Variants in SLC4A4 observed in about 807,000 individuals in gnomAD.
SLC4A4 encodes the protein solute carrier family 4 member 4, also known as electrogenic sodium bicarbonate cotransporter 1.
In SLC4A4, 27 loss-of-function variants were observed where a neutral mutation model predicts 111.5. The observed-to-expected ratio is 0.24, with a 90% CI of 0.18 to 0.33. SLC4A4 has a LOEUF of 0.33. SLC4A4 is among the 10% of genes least tolerant of loss of function. The pLI, the probability that SLC4A4 is intolerant of heterozygous loss-of-function variation, is 1.00. For missense variants in SLC4A4, 909 were observed against 1,315.5 expected (o/e 0.69, Z 4.78); for synonymous variants, 443 against 463.4 (o/e 0.96, Z 0.57).
chr4:71,391,847 A>G (rs1246603031), intron 6 of SLC4A4, among the ~76,000 whole-genome samples: 2 of 152,012 alleles, frequency 1.3e-5, no homozygotes, highest in Non-Finnish European at 1.5e-5. Flanking sequence ...CTTTGAGTGG[A>G]TGAAACACCA....
chr4:71,456,411 A>T (rs536626808), intron 12 of SLC4A4, among the ~76,000 whole-genome samples: 1 of 152,166 alleles, frequency 6.6e-6, no homozygotes, highest in East Asian at 1.9e-4. Context: ...AGTTTTATAT[A>T]TTTTAAGGAC....
At chr4:71,274,801 C>T (rs1343059758) in intron 3 of SLC4A4, among the ~76,000 whole-genome samples, 2 of 152,188 alleles carry the variant, frequency 1.3e-5, no homozygotes, top group Admixed American at 1.3e-4. Context: ...ATAATCTCTA[C>T]ATTTCCTACC....
intron 2 of SLC4A4, among the ~76,000 whole-genome samples, chr4:71,163,043 A>G (rs889117385): frequency 6.6e-6 from 1 of 152,220 alleles, no homozygotes; most frequent in African/African-American, 2.4e-5. Context: ...AAAGGAAAGA[A>G]CTTTTTAGAA....
intron 2 of SLC4A4, among the ~76,000 whole-genome samples, chr4:71,110,583 G>C (rs2148951459): frequency 6.6e-6 from 1 of 152,292 alleles, no homozygotes; most frequent in East Asian, 1.9e-4. Flanking sequence ...ACCTTTAGAA[G>C]TTCCATGGAT....
At chr4:71,513,456 C>T (rs1474170583) in intron 16 of SLC4A4, among the ~76,000 whole-genome samples, 1 of 151,940 alleles carries the variant, frequency 6.6e-6, no homozygotes, top group Non-Finnish European at 1.5e-5. Context: ...AGAAATGCGA[C>T]TGGGTTTTGT....
At chr4:71,535,460 CT>C (rs1379450620) in intron 18 of SLC4A4, among the ~76,000 whole-genome samples, 2 of 152,054 alleles carry the variant, frequency 1.3e-5, no homozygotes, top group African/African-American at 4.8e-5. Flanking sequence ...AAATTAAAAG[CT>C]TTGGTCAAAG....
At chr4:71,467,285 A>G (rs1366518222) in intron 13 of SLC4A4, among the ~76,000 whole-genome samples, 2 of 152,122 alleles carry the variant, frequency 1.3e-5, no homozygotes, top group African/African-American at 2.4e-5. Context: ...CACATCATTC[A>G]ATAATGAAAG....
chr4:71,447,959 A>G (rs1048689309), intron 9 of SLC4A4, among the ~76,000 whole-genome samples: 9 of 152,214 alleles, frequency 5.9e-5, no homozygotes, highest in African/African-American at 2.2e-4. Flanking sequence ...GGAATAAAAC[A>G]TATTTTCCTT....
intron 2 of SLC4A4, among the ~76,000 whole-genome samples, chr4:71,121,889 G>C (rs1358684694): frequency 2.0e-5 from 3 of 151,970 alleles, no homozygotes; most frequent in African/African-American, 7.3e-5. Context: ...ATGTCTGCAG[G>C]TTCACTCCTG....
rs1728353524 is a variant in SLC4A4 at position 71,335,423 on chromosome 4, CT to C, written c.254-3946del. On this transcript the variant is annotated intron_variant, in intron 3 of 25. Transcript: ENST00000264485. ...CCTGTCATTTCTTCATTTTCATGCC[CT>C]CCTGATTGCCTAAAATAGTTAGACT... Among the ~76,000 whole-genome samples, 7 of 152,250 alleles carry C rather than the reference CT, an allele frequency of 4.6e-5. No individual in the cohort carries two copies. In the South Asian group the frequency reaches 1.5e-3, roughly 32 times the overall value.
intron 6 of SLC4A4, among the ~76,000 whole-genome samples, chr4:71,382,199 A>C (rs551579556): frequency 2.0e-5 from 3 of 152,142 alleles, no homozygotes; most frequent in Non-Finnish European, 4.4e-5. Flanking sequence ...AAAAAAAATC[A>C]ATGATGTGAT....
At chr4:71,103,011 G>A (rs1279686847) in intron 2 of SLC4A4, among the ~76,000 whole-genome samples, 9 of 149,488 alleles carry the variant, frequency 6.0e-5, no homozygotes, top group African/African-American at 2.2e-4. Context: ...TCAGTGTGCT[G>A]TATTCAGGAA....
At chr4:71,094,087 T>C (rs1410156235) in intron 2 of SLC4A4, among the ~76,000 whole-genome samples, 1 of 152,212 alleles carries the variant, frequency 6.6e-6, no homozygotes, top group African/African-American at 2.4e-5. Flanking sequence ...ATGTCCCTTA[T>C]TAAACATTTT....
chr4:71,440,728 A>G lies in SLC4A4; in HGVS notation c.920A>G (p.Gln307Arg). The G allele has an allele frequency of 6.2e-7, 1 of 1,614,128 alleles. No homozygotes were observed. The highest frequency in any genetic ancestry group is 8.5e-7 in the Non-Finnish European group (1 of 1,179,988). ...TPFIAFVRLQ[Q>R]AVMLGALTEV... ...TTCATTGCCTTTGTTAGGCTACAGCAGGCTGTCATGCTGGGTGCCCTGACT... is the reference window on the plus strand; with the variant it reads ...TTCATTGCCTTTGTTAGGCTACAGCGGGCTGTCATGCTGGGTGCCCTGACT... The change falls in exon 8 of 26, where the codon CAG (glutamine) becomes CGG (arginine). Residue 307 changes from glutamine (Q) to arginine (R), a missense_variant. Transcript: ENST00000264485.
chr4:71,305,360 C>T (rs1725596584), intron 3 of SLC4A4, among the ~76,000 whole-genome samples: 2 of 152,160 alleles, frequency 1.3e-5, no homozygotes, highest in South Asian at 4.1e-4. Context: ...GAGGTCTGTT[C>T]CATTCTAAAG....
chr4:71,540,669 A>G (rs1232276507), intron 18 of SLC4A4, among the ~76,000 whole-genome samples: 1 of 152,160 alleles, frequency 6.6e-6, no homozygotes, highest in African/African-American at 2.4e-5. Flanking sequence ...TGTCTATTAC[A>G]ACACCAAGGT....
chr4:71,159,943 A>G (rs1022902927), intron 2 of SLC4A4, among the ~76,000 whole-genome samples: 12 of 152,122 alleles, frequency 7.9e-5, no homozygotes, highest in African/African-American at 2.7e-4. Context: ...GTATTTTTCT[A>G]TAGTATAGTT....
At chr4:71,091,853 C>T (rs1040025216) in intron 1 of SLC4A4, among the ~76,000 whole-genome samples, 1 of 152,166 alleles carries the variant, frequency 6.6e-6, no homozygotes, top group East Asian at 1.9e-4. Context: ...TCTGTAATAA[C>T]AACAAAACAT....
chr4:71,274,977 T>G (rs1382682772), intron 3 of SLC4A4, among the ~76,000 whole-genome samples: 1 of 134,696 alleles, frequency 7.4e-6, no homozygotes, highest in Non-Finnish European at 1.5e-5. Flanking sequence ...GAAGATTCTG[T>G]TTTTTTTTCT....
Sources: allele counts gnomAD v4.1 joint callset (sites outside exome capture counted in the v4.1 genomes callset), GRCh38; gene constraint gnomAD v4.1.1; transcripts MANE v1.5; gene names NCBI Gene and HGNC (gene_info 2026-07-23, HGNC 2026-07-21).